SLC35F1: variants seen among roughly 807,000 people sequenced by gnomAD.
SLC35F1 encodes the protein solute carrier family 35 member F1.
In SLC35F1, 14 loss-of-function variants were observed where a neutral mutation model predicts 48.7. That is an observed-to-expected ratio of 0.29 (90% CI 0.19 to 0.45). The LOEUF (loss-of-function observed/expected upper bound fraction) is 0.45, where lower values mean the gene tolerates loss of function less well. SLC35F1 is among the 20% of genes least tolerant of loss of function. The pLI, the probability that SLC35F1 is intolerant of heterozygous loss-of-function variation, is 1.00. For synonymous variants in SLC35F1, 190 were observed against 202.2 expected (o/e 0.94, Z 0.51); for missense variants, 404 against 500.0 (o/e 0.81, Z 1.83).
chr6:118,103,820 T>G lies in SLC35F1; in HGVS notation c.174-50625T>G, dbSNP rs187984806. ...TGATTGTTCAGGCAACCTTGAAATG[T>G]TTTTTTTTCTGATCTCACATTTTAG... On this transcript the variant is annotated intron_variant, in intron 1 of 7. Coordinates refer to ENST00000360388, the MANE Select transcript of SLC35F1 (RefSeq NM_001029858.4). Among the ~76,000 whole-genome samples the G allele has an allele frequency of 6.7e-3, 993 of 149,228 alleles. 4 individuals are homozygous for G. Among genetic ancestry groups the G allele is most frequent in the Non-Finnish European group, 9.5e-3 (633 of 66,520 alleles).
chr6:118,057,950 G>A, intron 1 of SLC35F1, among the ~76,000 whole-genome samples: 1 of 152,038 alleles, frequency 6.6e-6, no homozygotes, highest in South Asian at 2.1e-4. Flanking sequence ...GGGAGGGTGA[G>A]GGATGAGATT....
intron 1 of SLC35F1, among the ~76,000 whole-genome samples, chr6:118,034,877 T>G (rs1772104638): frequency 1.2e-4 from 18 of 152,180 alleles, no homozygotes. Context: ...TACTCAAGTT[T>G]TGATGTTGGG....
At chr6:117,967,841 T>G (rs1044257834) in intron 1 of SLC35F1, among the ~76,000 whole-genome samples, 1 of 152,188 alleles carries the variant, frequency 6.6e-6, no homozygotes, top group African/African-American at 2.4e-5. Context: ...AATATGAGCA[T>G]AATACAGGAA....
chr6:118,210,579 T>TC (rs1355933217), intron 2 of SLC35F1, among the ~76,000 whole-genome samples: 2 of 152,180 alleles, frequency 1.3e-5, no homozygotes, highest in African/African-American at 4.8e-5. Context: ...TACTCTGCCT[T>TC]CCCCTGGGTA....
At chr6:118,229,549 C>A (rs1231409392) in intron 2 of SLC35F1, among the ~76,000 whole-genome samples, 4 of 152,166 alleles carry the variant, frequency 2.6e-5, no homozygotes, top group Non-Finnish European at 5.9e-5. Context: ...GTCATAATTA[C>A]AAATCAGCAA....
At chr6:118,007,387 A>G (rs1391185750) in intron 1 of SLC35F1, among the ~76,000 whole-genome samples, 1 of 152,166 alleles carries the variant, frequency 6.6e-6, no homozygotes. Flanking sequence ...AAACCACAGC[A>G]ACCACCTACT....
intron 1 of SLC35F1, among the ~76,000 whole-genome samples, chr6:117,976,045 C>T (rs1356518333): frequency 6.6e-6 from 1 of 152,200 alleles, no homozygotes; most frequent in African/African-American, 2.4e-5. Flanking sequence ...GAATGTCAGG[C>T]ACTTTCCCAT....
chr6:118,049,622 T>C (rs28823568), intron 1 of SLC35F1, among the ~76,000 whole-genome samples: 35,851 of 145,354 alleles, frequency 0.25, 4,776 homozygotes, highest in East Asian at 0.33. Context: ...AAATGCTCAC[T>C]ATCACTGGCC....
intron 3 of SLC35F1, among the ~76,000 whole-genome samples, chr6:118,248,021 C>A (rs1775529911): frequency 1.3e-5 from 2 of 152,164 alleles, no homozygotes; most frequent in Non-Finnish European, 2.9e-5. Context: ...AAGGATATTC[C>A]AATGAGTGCT....
At chr6:118,091,291 C>A (rs1169277482) in intron 1 of SLC35F1, among the ~76,000 whole-genome samples, 2 of 152,160 alleles carry the variant, frequency 1.3e-5, no homozygotes, top group Admixed American at 6.5e-5. Flanking sequence ...CAAATCACAT[C>A]TTAAATTGTA....
rs543101669 is a variant in SLC35F1, at chr6:117,907,338, G to A, written c.-389G>A. On this transcript the variant is annotated 5_prime_UTR_variant, in exon 1 of 8. Coordinates refer to ENST00000360388, the MANE Select transcript of SLC35F1 (RefSeq NM_001029858.4). ...GCACAACTGCCGCCGCGCGCCCCGA[G>A]GAGACCCGGGCACGAGGAAACAAGG... Among the ~76,000 whole-genome samples the A allele has an allele frequency of 3.3e-5, 5 of 149,558 alleles. No individual in the cohort carries two copies. The East Asian group carries it at 1.0e-3, about 30-fold the overall frequency.
intron 1 of SLC35F1, among the ~76,000 whole-genome samples, chr6:118,001,011 AT>A (rs1777085155): frequency 6.6e-6 from 1 of 152,098 alleles, no homozygotes; most frequent in South Asian, 2.1e-4. Context: ...TATTGTGAAA[AT>A]GGCCATACTG....
chr6:118,183,512 T>TAA (rs140253532), intron 2 of SLC35F1, among the ~76,000 whole-genome samples: 1 of 150,184 alleles, frequency 6.7e-6, no homozygotes, highest in Non-Finnish European at 1.5e-5. Context: ...TAAATTAAAT[T>TAA]AAAAAAAAAG....
At chr6:118,225,727 T>A (rs1234178286) in intron 2 of SLC35F1, among the ~76,000 whole-genome samples, 2 of 1,164 alleles carry the variant, frequency 1.7e-3, no homozygotes, top group African/African-American at 2.6e-3. Flanking sequence ...CAAAAAAAAT[T>A]TAGCTGGGTG....
At chr6:118,011,592 A>AGT (rs1247514082) in intron 1 of SLC35F1, among the ~76,000 whole-genome samples, 4 of 152,168 alleles carry the variant, frequency 2.6e-5, no homozygotes, top group Non-Finnish European at 5.9e-5. Flanking sequence ...TTGCGGAACC[A>AGT]AGATTTCTCA....
chr6:118,208,346 A>G (rs80241742), intron 2 of SLC35F1, among the ~76,000 whole-genome samples: 15 of 152,328 alleles, frequency 9.8e-5, no homozygotes, highest in African/African-American at 3.6e-4. Context: ...TCCCTCTAAT[A>G]CAGAAACACC....
At chr6:118,025,979 T>A (rs752819725) in intron 1 of SLC35F1, among the ~76,000 whole-genome samples, 1 of 152,204 alleles carries the variant, frequency 6.6e-6, no homozygotes, top group Non-Finnish European at 1.5e-5. Context: ...ATTCAACACA[T>A]GCTTTTGGGT....
At chr6:118,203,630 A>ATG (rs1470643984) in intron 2 of SLC35F1, among the ~76,000 whole-genome samples, 1 of 152,158 alleles carries the variant, frequency 6.6e-6, no homozygotes, top group African/African-American at 2.4e-5. Flanking sequence ...TTTGGGAGGG[A>ATG]TGTGTCTGTT....
chr6:118,086,686 A>G (rs889085565), intron 1 of SLC35F1, among the ~76,000 whole-genome samples: 16 of 152,138 alleles, frequency 1.1e-4, no homozygotes, highest in Non-Finnish European at 1.9e-4. Flanking sequence ...GTTGACCCCC[A>G]TAATTTTTAG....
Sources: gnomAD v4.1 joint callset for allele counts (sites outside exome capture counted in the v4.1 genomes callset) on GRCh38, gnomAD v4.1.1 for gene constraint, MANE v1.5 for transcripts, NCBI Gene and HGNC (gene_info 2026-07-23, HGNC 2026-07-21) for gene names.